The following DLG2 variants were observed in gnomAD, a reference collection of about 807,000 sequenced individuals.
DLG2 encodes the protein discs large MAGUK scaffold protein 2, also known as disks large homolog 2.
A neutral mutation model predicts 132.5 loss-of-function variants in DLG2; 45 were observed. That is an observed-to-expected ratio of 0.34 (90% CI 0.27 to 0.44). DLG2 has a LOEUF of 0.44. Among genes scored for constraint, DLG2 ranks in the 20% least tolerant of loss-of-function variants. The pLI, the probability that DLG2 is intolerant of heterozygous loss-of-function variation, is 1.00. For missense variants in DLG2, 1,045 were observed against 1,196.9 expected, an observed-to-expected ratio of 0.87 and a Z score of 1.87; for synonymous variants, 424 against 419.6, an observed-to-expected ratio of 1.01 and a Z score of -0.13.
intron 9 of DLG2, among the ~76,000 whole-genome samples, chr11:84,102,027 G>A (rs2092569325): frequency 6.6e-6 from 1 of 152,138 alleles, no homozygotes; most frequent in Non-Finnish European, 1.5e-5. Context: ...ATCTATTGGT[G>A]TTTATTTATG....
At chr11:83,790,803 C>T in intron 17 of DLG2, 1 of 754,106 alleles carries the variant, frequency 1.3e-6, no homozygotes, top group Non-Finnish European at 2.5e-6. Context: ...GAAAGAGCGC[C>T]CTCCCACTTG....
chr11:85,377,886 AAC>A (rs1007873430), intron 3 of DLG2, among the ~76,000 whole-genome samples: 5 of 147,824 alleles, frequency 3.4e-5, no homozygotes, highest in African/African-American at 1.3e-4. Flanking sequence ...CACACACACA[AAC>A]ACACACACAC....
At chr11:84,036,617 T>C (rs2095870054) in intron 11 of DLG2, among the ~76,000 whole-genome samples, 1 of 152,134 alleles carries the variant, frequency 6.6e-6, no homozygotes, top group South Asian at 2.1e-4. Flanking sequence ...ATTGCATTGA[T>C]GAAAGCCCAG....
At chr11:83,566,109 A>C (rs1255761162) in intron 19 of DLG2, among the ~76,000 whole-genome samples, 4 of 152,246 alleles carry the variant, frequency 2.6e-5, no homozygotes, top group Non-Finnish European at 5.9e-5. Context: ...ATAATTTCCC[A>C]GAAGAAGGGT....
chr11:85,478,073 TC>T (rs1355719114), intron 3 of DLG2, among the ~76,000 whole-genome samples: 1 of 151,968 alleles, frequency 6.6e-6, no homozygotes. Flanking sequence ...AGTGATGGGA[TC>T]ATAGCTCACT....
intron 4 of DLG2, among the ~76,000 whole-genome samples, chr11:85,238,825 ATTTTC>A (rs1049203996): frequency 4.0e-5 from 6 of 151,488 alleles, no homozygotes; most frequent in African/African-American, 1.5e-4. Context: ...AGCTTCACAA[ATTTTC>A]TTTTCTTTTT....
At chr11:84,341,621 C>T (rs2098515233) in intron 7 of DLG2, among the ~76,000 whole-genome samples, 1 of 152,202 alleles carries the variant, frequency 6.6e-6, no homozygotes, top group Non-Finnish European at 1.5e-5. Flanking sequence ...AGAATCACTG[C>T]ATAACAAGAC....
intron 6 of DLG2, among the ~76,000 whole-genome samples, chr11:84,753,432 T>C (rs1403212649): frequency 6.6e-6 from 1 of 152,208 alleles, no homozygotes; most frequent in African/African-American, 2.4e-5. Context: ...AGCCATATTT[T>C]TCATACTTTG....
intron 18 of DLG2, among the ~76,000 whole-genome samples, chr11:83,698,937 C>T (rs1405284392): frequency 6.6e-6 from 1 of 152,182 alleles, no homozygotes; most frequent in Admixed American, 6.5e-5. Flanking sequence ...GTAGCTTTTG[C>T]TGCATTCAAG....
At chr11:85,244,925 C>A (rs1432322632) in intron 4 of DLG2, among the ~76,000 whole-genome samples, 3 of 151,922 alleles carry the variant, frequency 2.0e-5, no homozygotes, top group African/African-American at 7.2e-5. Context: ...AAAAGGTACA[C>A]CTCAGGATTC....
chr11:83,507,879 A>G (rs1302516766), intron 21 of DLG2, among the ~76,000 whole-genome samples: 2 of 150,510 alleles, frequency 1.3e-5, no homozygotes, highest in East Asian at 3.9e-4. Flanking sequence ...AGGAGGAAAG[A>G]CAGCCAATCC....
At chr11:84,036,037 T>C (rs1378547928) in intron 11 of DLG2, among the ~76,000 whole-genome samples, 1 of 152,154 alleles carries the variant, frequency 6.6e-6, no homozygotes, top group African/African-American at 2.4e-5. Flanking sequence ...ATTAGATCTT[T>C]ATCACATCAA....
chr11:84,658,436 T>C (rs577177510), intron 6 of DLG2, among the ~76,000 whole-genome samples: 265 of 152,236 alleles, frequency 1.7e-3, no homozygotes, highest in African/African-American at 6.2e-3. Context: ...GGAATTCTCG[T>C]GAATGGGATT....
intron 19 of DLG2, among the ~76,000 whole-genome samples, chr11:83,609,536 G>C (rs1228366914): frequency 6.6e-6 from 1 of 152,112 alleles, no homozygotes; most frequent in Non-Finnish European, 1.5e-5. Context: ...GATTTTACGA[G>C]ATTATCTAAC....
chr11:84,706,904 G>A (rs2059841493), intron 6 of DLG2, among the ~76,000 whole-genome samples: 1 of 151,746 alleles, frequency 6.6e-6, no homozygotes, highest in Admixed American at 6.6e-5. Context: ...CCTAACAACT[G>A]TAAAGGAAGT....
chr11:84,742,237 A>G (rs1295332523), intron 6 of DLG2, among the ~76,000 whole-genome samples: 1 of 152,176 alleles, frequency 6.6e-6, no homozygotes, highest in Non-Finnish European at 1.5e-5. Flanking sequence ...TCAATAAAAT[A>G]ATAGCTGAAA....
chr11:84,253,088 A>G (rs2097411127), intron 7 of DLG2, among the ~76,000 whole-genome samples: 1 of 152,212 alleles, frequency 6.6e-6, no homozygotes, highest in Non-Finnish European at 1.5e-5. Context: ...CTAGTTAGTC[A>G]TAATATTTTC....
At chr11:83,693,267 A>T (rs76635548) in intron 18 of DLG2, among the ~76,000 whole-genome samples, 2,879 of 152,268 alleles carry the variant, frequency 0.019, 104 homozygotes, top group African/African-American at 0.066. Flanking sequence ...GAGTGCACAC[A>T]GGAAAAGTTG....
At chr11:85,410,061 A>G (rs1024616714) in intron 3 of DLG2, among the ~76,000 whole-genome samples, 1 of 151,898 alleles carries the variant, frequency 6.6e-6, no homozygotes, top group African/African-American at 2.4e-5. Flanking sequence ...TTTTATTGTC[A>G]GCAGCATTAA....
Sources: allele counts gnomAD v4.1 joint callset (sites outside exome capture counted in the v4.1 genomes callset), GRCh38; gene constraint gnomAD v4.1.1; transcripts MANE v1.5; gene names NCBI Gene and HGNC (gene_info 2026-07-23, HGNC 2026-07-21).